Variants in CEP126 observed in about 807,000 individuals in gnomAD.
CEP126 encodes centrosomal protein of 126 kDa.
Under a neutral mutation model 107.8 loss-of-function variants are expected in CEP126, and 74 were observed. That is an observed-to-expected ratio of 0.69 (90% CI 0.57 to 0.83). The LOEUF is 0.83. CEP126 is among the 40% of genes least tolerant of loss of function. CEP126 has a pLI of 0.00. For missense variants in CEP126, 1,237 were observed against 1,281.9 expected, an observed-to-expected ratio of 0.96 and a Z score of 0.53; for synonymous variants, 449 against 446.0, an observed-to-expected ratio of 1.01 and a Z score of -0.08.
chr11:101,948,826 G>A (rs1365143843), intron 4 of CEP126, among the ~76,000 whole-genome samples: 1 of 152,150 alleles, frequency 6.6e-6, no homozygotes, highest in African/African-American at 2.4e-5. Context: ...ATATAGAATA[G>A]TGCCAAATGA....
At position 101,962,897 on chromosome 11, in the gene CEP126, C is replaced by G. The variant is rs549716753; in HGVS notation, c.1862C>G (p.Ala621Gly). ...ATTGAATTAACAAAGGAAAAAGGTG[C>G]AGAAATTCCAAAGACCATTAAAAAA... is the stretch of plus-strand genomic sequence containing the variant. ...DSIELTKEKG[A>G]EIPKTIKKLR... The change falls in exon 6 of 11, where the codon GCA (alanine) becomes GGA (glycine). Residue 621 changes from alanine (A) to glycine (G), a missense_variant. This residue lies in a region of CEP126 where 1,134 missense variants were observed against 1,150.5 expected (regional missense o/e 0.99). Transcript: ENST00000263468. The G allele has an allele frequency of 4.3e-6, 7 of 1,609,386 alleles. No individual in the cohort carries two copies. Among genetic ancestry groups the G allele is most frequent in the Non-Finnish European group, 5.9e-6 (7 of 1,178,974 alleles).
intron 4 of CEP126, 140 bp from the exon 5 acceptor site, chr11:101,958,028 C>A (rs1940922131): frequency 4.2e-6 from 3 of 720,482 alleles, no homozygotes; most frequent in Admixed American, 2.4e-5. Flanking sequence ...TCTAACATGT[C>A]TATATATTTC....
chr11:101,915,645 C>A (rs867537507), intron 1 of CEP126, among the ~76,000 whole-genome samples: 10 of 152,186 alleles, frequency 6.6e-5, no homozygotes, highest in Non-Finnish European at 1.3e-4. Context: ...TCCCATTCTT[C>A]AACTTTGTAA....
At chr11:101,921,304 C>T (rs147707317) in intron 1 of CEP126, among the ~76,000 whole-genome samples, 301 of 152,240 alleles carry the variant, frequency 2.0e-3, no homozygotes, top group African/African-American at 6.1e-3. Context: ...ATTAAGGGAT[C>T]TGGTGAAACA....
At chr11:101,921,040 A>G (rs1591266527) in intron 1 of CEP126, among the ~76,000 whole-genome samples, 1 of 152,240 alleles carries the variant, frequency 6.6e-6, no homozygotes, top group Non-Finnish European at 1.5e-5. Context: ...GAAATTACTC[A>G]TATTGCTACA....
At chr11:101,916,496 C>T (rs1213796546) in intron 1 of CEP126, 1 of 152,198 alleles carries the variant, frequency 6.6e-6, no homozygotes, top group East Asian at 1.9e-4. Flanking sequence ...TGGTAGCTTG[C>T]AATAGCTGCT....
rs1940999153 is a variant in CEP126 at position 101,962,859 on chromosome 11, T to C, written c.1824T>C (p.Ala608=). Residue 608 remains alanine (A), a synonymous_variant, in exon 6 of 11, where the codon GCT becomes GCC. Coordinates refer to ENST00000263468, the MANE Select transcript of CEP126 (RefSeq NM_020802.4). ...SFKFGNQKAA[A]IRDSIELTKE... ...AGTTTGGAAATCAAAAAGCAGCAGC[T>C]ATCAGAGATAGTATTGAATTAACAA... 6.2e-7 allele frequency: 1 copy of C among 1,602,528 alleles called. No homozygotes were observed. Among genetic ancestry groups the C allele is most frequent in the Non-Finnish European group, 8.5e-7 (1 of 1,178,340 alleles).
chr11:101,986,919 GCAAA>G lies in CEP126; in HGVS notation c.3125_3128del (p.Lys1042ArgfsTer9). 6.2e-7 allele frequency: 1 copy of G among 1,613,764 alleles called. No homozygotes were observed. Among genetic ancestry groups the G allele is most frequent in the Non-Finnish European group, 8.5e-7 (1 of 1,179,824 alleles). Reference sequence around the variant, plus strand: ...GATGAGATTCTGACTGTCTTGAATAGCAAACAGATACAGAAATCAAATCTACCTT... The same window carrying G: ...GATGAGATTCTGACTGTCTTGAATAGCAGATACAGAAATCAAATCTACCTT... On this transcript the variant is annotated frameshift_variant, in exon 9 of 11. Transcript: ENST00000263468. LOFTEE classifies it high-confidence loss of function.
At chr11:101,923,353 A>C (rs1269657834) in intron 2 of CEP126, among the ~76,000 whole-genome samples, 1 of 152,200 alleles carries the variant, frequency 6.6e-6, no homozygotes, top group Non-Finnish European at 1.5e-5. Flanking sequence ...AAAAAGTACA[A>C]ATTGTTCAAT....
At chr11:101,988,649 T>A (rs1941340800) in intron 9 of CEP126, among the ~76,000 whole-genome samples, 1 of 152,090 alleles carries the variant, frequency 6.6e-6, no homozygotes, top group Admixed American at 6.5e-5. Flanking sequence ...ATGTCCAATG[T>A]GCTGAGAGAA....
At chr11:101,989,409 A>G (rs983552712) in intron 9 of CEP126, among the ~76,000 whole-genome samples, 2 of 152,108 alleles carry the variant, frequency 1.3e-5, no homozygotes, top group African/African-American at 4.8e-5. Flanking sequence ...GCACTTCCCT[A>G]TCATGACAAT....
At chr11:101,989,659 C>T (rs1941353940) in intron 9 of CEP126, among the ~76,000 whole-genome samples, 1 of 152,076 alleles carries the variant, frequency 6.6e-6, no homozygotes, top group South Asian at 2.1e-4. Context: ...AGCCTAGCAT[C>T]CAAGGAAACA....
At chr11:101,950,909 CTCTTTCT>C (rs1940803462) in intron 4 of CEP126, among the ~76,000 whole-genome samples, 1 of 152,118 alleles carries the variant, frequency 6.6e-6, no homozygotes, top group Admixed American at 6.5e-5. Flanking sequence ...TGATAGCATC[CTCTTTCT>C]TATTTTAGAA....
chr11:101,971,339 A>G (rs1941126041), intron 6 of CEP126, among the ~76,000 whole-genome samples: 1 of 152,100 alleles, frequency 6.6e-6, no homozygotes, highest in South Asian at 2.1e-4. Flanking sequence ...AAAAAAAAAT[A>G]GTACATTGAT....
Position 101,963,052 on chromosome 11 carries a change from ATAAT to A in CEP126, c.2020_2023del (p.Ile674ValfsTer7). On this transcript the variant is annotated frameshift_variant, in exon 6 of 11. Transcript: ENST00000263468. LOFTEE classifies it high-confidence loss of function. The stretch of plus-strand genomic sequence containing the variant: ...CATTCAAAGTGGTGCTGGAAGCAAC[ATAAT>A]TAGTGTTTCTACTTGTGCTGTAAAT... 2 of 1,614,160 alleles carry A rather than the reference ATAAT, an allele frequency of 1.2e-6. No homozygotes were observed. Among genetic ancestry groups the A allele is most frequent in the South Asian group, 2.2e-5 (2 of 91,080 alleles).
chr11:101,985,293 T>A (rs1022634459), intron 8 of CEP126, among the ~76,000 whole-genome samples: 3 of 152,046 alleles, frequency 2.0e-5, no homozygotes, highest in African/African-American at 7.2e-5. Context: ...TTTCTTTTTT[T>A]TTTTTTTTAA....
intron 5 of CEP126, among the ~76,000 whole-genome samples, chr11:101,959,167 C>CT (rs1172923630): frequency 1.3e-4 from 19 of 150,086 alleles, no homozygotes; most frequent in African/African-American, 4.2e-4. Flanking sequence ...TTTTTTCTTT[C>CT]TTTTTTTTGA....
chr11:101,977,266 T>TA (rs1295801920), intron 6 of CEP126, among the ~76,000 whole-genome samples: 1 of 152,170 alleles, frequency 6.6e-6, no homozygotes, highest in African/African-American at 2.4e-5. Context: ...TGCTGTTGTT[T>TA]ACCTATCCTT....
intron 3 of CEP126, among the ~76,000 whole-genome samples, chr11:101,947,523 G>A (rs771282790): frequency 5.9e-5 from 9 of 152,154 alleles, no homozygotes; most frequent in African/African-American, 2.2e-4. Flanking sequence ...CCATAATAAT[G>A]TATGACCTTG....
Sources: allele counts gnomAD v4.1 joint callset (sites outside exome capture counted in the v4.1 genomes callset), GRCh38; gene constraint gnomAD v4.1.1; regional missense constraint gnomAD v4.1.1; transcripts MANE v1.5; gene names NCBI Gene and HGNC (gene_info 2026-07-23, HGNC 2026-07-21).